Variants in WWTR1 observed in about 807,000 individuals in gnomAD.
WWTR1 encodes WW domain containing transcription regulator 1, also known as WW domain-containing transcription regulator protein 1.
WWTR1 carries 13 observed loss-of-function variants against 40.1 expected under a neutral mutation model. That is an observed-to-expected ratio of 0.32 (90% confidence interval 0.21 to 0.52). The LOEUF (loss-of-function observed/expected upper bound fraction) is 0.52. Among genes scored for constraint, WWTR1 ranks in the 20% least tolerant of loss-of-function variants. The pLI is 0.97. For missense variants in WWTR1, 436 were observed against 523.1 expected, an observed-to-expected ratio of 0.83 and a Z score of 1.63; for synonymous variants, 230 against 210.1, an observed-to-expected ratio of 1.09 and a Z score of -0.82.
At chr3:149,714,886 C>T (rs975704833) in intron 5 of WWTR1, among the ~76,000 whole-genome samples, 1 of 152,052 alleles carries the variant, frequency 6.6e-6, no homozygotes, top group Non-Finnish European at 1.5e-5. Flanking sequence ...CAGTCAGACT[C>T]GGAAGAGAGG....
chr3:149,528,192 G>T (rs773541715), intron 4 of WWTR1, among the ~76,000 whole-genome samples: 1 of 152,144 alleles, frequency 6.6e-6, no homozygotes, highest in Non-Finnish European at 1.5e-5. Context: ...GCTATTATTT[G>T]ATCTAAGGGC....
chr3:149,630,542 G>A (rs766661986), intron 2 of WWTR1, among the ~76,000 whole-genome samples: 12 of 152,058 alleles, frequency 7.9e-5, no homozygotes, highest in African/African-American at 1.4e-4. Flanking sequence ...GCTCAGTCCC[G>A]CTCAGCTCCC....
intron 2 of WWTR1, among the ~76,000 whole-genome samples, chr3:149,594,946 T>A (rs1738913923): frequency 6.8e-6 from 1 of 146,670 alleles, no homozygotes; most frequent in Non-Finnish European, 1.5e-5. Context: ...TAACCTCTTT[T>A]TTACTTTTTT....
chr3:149,522,967 G>C (rs1735127650), intron 6 of WWTR1, among the ~76,000 whole-genome samples: 1 of 151,758 alleles, frequency 6.6e-6, no homozygotes, highest in African/African-American at 2.4e-5. Context: ...TCAGGAGGCT[G>C]AGGCCCGAGA....
upstream of WWTR1, among the ~76,000 whole-genome samples, chr3:149,704,458 C>T (rs1472781381): frequency 6.6e-6 from 1 of 152,096 alleles, no homozygotes; most frequent in Non-Finnish European, 1.5e-5. Context: ...GGTCTCTAAG[C>T]CAGAGCTAGG....
intron 1 of WWTR1, among the ~76,000 whole-genome samples, chr3:149,694,691 C>T (rs568795852): frequency 1.6e-4 from 25 of 152,256 alleles, no homozygotes; most frequent in African/African-American, 5.1e-4. Context: ...TGCAGAGAAA[C>T]GAGAACCCTC....
intron 1 of WWTR1, among the ~76,000 whole-genome samples, chr3:149,677,906 G>T (rs891356609): frequency 6.6e-6 from 1 of 151,992 alleles, no homozygotes; most frequent in Non-Finnish European, 1.5e-5. Flanking sequence ...GGTACTACAG[G>T]TGCCTGCCAC....
chr3:149,518,214 T>G lies in WWTR1; in HGVS notation c.*2591A>C, dbSNP rs1352201706. The G allele has an allele frequency of 6.6e-6, 1 of 152,090 alleles. No individual in the cohort carries two copies. Among genetic ancestry groups the G allele is most frequent in the Non-Finnish European group, 1.5e-5 (1 of 68,004 alleles). 9.4% of individuals were successfully genotyped at this position (152,090 alleles called of 1,614,324 possible). A position where few individuals can be genotyped will look rare whatever the true frequency, so the allele number is the denominator to read the frequency against. ...CTGAAAAAATATTTATTATATTCAT[T>G]CATAAATGTTCTAACTAATTTAACT... is the stretch of plus-strand genomic sequence containing the variant. On this transcript the variant is annotated 3_prime_UTR_variant, in exon 7 of 7. Transcript: ENST00000360632.
At chr3:149,712,603 G>A (rs1017350347) in intron 5 of WWTR1, among the ~76,000 whole-genome samples, 1 of 152,104 alleles carries the variant, frequency 6.6e-6, no homozygotes, top group Non-Finnish European at 1.5e-5. Context: ...CAAAATTAGG[G>A]TTGTGTAACC....
At chr3:149,696,863 C>G (rs1464003685) in intron 1 of WWTR1, among the ~76,000 whole-genome samples, 3 of 152,184 alleles carry the variant, frequency 2.0e-5, no homozygotes, top group Non-Finnish European at 2.9e-5. Context: ...CCCCAGTCAC[C>G]TTGGGCACAC....
At chr3:149,679,477 G>C (rs1714383414) in intron 1 of WWTR1, among the ~76,000 whole-genome samples, 1 of 152,026 alleles carries the variant, frequency 6.6e-6, no homozygotes, top group South Asian at 2.1e-4. Flanking sequence ...CAGATAAGTT[G>C]GCTCCCAGTA....
chr3:149,574,259 C>T (rs1737779238), intron 2 of WWTR1, among the ~76,000 whole-genome samples: 2 of 152,014 alleles, frequency 1.3e-5, no homozygotes, highest in Non-Finnish European at 1.5e-5. Context: ...AGGCTGGTCT[C>T]GAACTCCTGA....
At chr3:149,696,378 C>T (rs1429828104) in intron 1 of WWTR1, among the ~76,000 whole-genome samples, 5 of 152,178 alleles carry the variant, frequency 3.3e-5, no homozygotes, top group Admixed American at 3.3e-4. Context: ...TATGTGGGAA[C>T]TACACTACAA....
chr3:149,592,099 A>G (rs576723610), intron 2 of WWTR1, among the ~76,000 whole-genome samples: 8 of 152,326 alleles, frequency 5.3e-5, no homozygotes, highest in African/African-American at 1.4e-4. Context: ...TCAGTCCTAG[A>G]AGATAATCCC....
chr3:149,535,874 G>A (rs570558339), intron 4 of WWTR1, among the ~76,000 whole-genome samples: 4 of 152,222 alleles, frequency 2.6e-5, no homozygotes, highest in East Asian at 1.9e-4. Context: ...TTAGCCAGGC[G>A]TGATGATGCG....
intron 5 of WWTR1, among the ~76,000 whole-genome samples, chr3:149,715,642 G>A (rs1257095246): frequency 6.6e-6 from 1 of 152,204 alleles, no homozygotes. Flanking sequence ...GAAAACTTGG[G>A]CAAAGGCACC....
chr3:149,700,590 CA>C (rs922512636), intron 1 of WWTR1, among the ~76,000 whole-genome samples: 8 of 147,564 alleles, frequency 5.4e-5, no homozygotes, highest in African/African-American at 2.1e-4. Flanking sequence ...CTGAAAAAGA[CA>C]AAAAAATTAA....
intron 1 of WWTR1, among the ~76,000 whole-genome samples, chr3:149,684,734 T>C (rs1208479468): frequency 6.6e-6 from 1 of 152,158 alleles, no homozygotes; most frequent in African/African-American, 2.4e-5. Context: ...CAGCTAATTT[T>C]TGTATTTTTT....
intron 1 of WWTR1, among the ~76,000 whole-genome samples, chr3:149,680,435 T>C (rs1218970774): frequency 2.0e-5 from 3 of 151,976 alleles, no homozygotes; most frequent in Non-Finnish European, 4.4e-5. Context: ...TCTCAGCTAC[T>C]TGGGAGGCTG....
Sources: allele counts gnomAD v4.1 joint callset (sites outside exome capture counted in the v4.1 genomes callset), GRCh38; gene constraint gnomAD v4.1.1; transcripts MANE v1.5; gene names NCBI Gene and HGNC (gene_info 2026-07-23, HGNC 2026-07-21).